The following SORBS2 variants were observed in gnomAD, a reference collection of about 807,000 sequenced individuals.
SORBS2 encodes the protein sorbin and SH3 domain containing 2, also known as sorbin and SH3 domain-containing protein 2.
SORBS2 carries 46 observed loss-of-function variants against 97.7 expected under a neutral mutation model. The observed-to-expected ratio is 0.47, with a 90% confidence interval of 0.37 to 0.60. The LOEUF (loss-of-function observed/expected upper bound fraction) is 0.60. Ranked by LOEUF, SORBS2 falls within the 20% of genes least tolerant of loss-of-function variation. The probability of loss-of-function intolerance (pLI) is 0.00; values close to 1 mark genes in which losing one functional copy is unlikely to be tolerated. For missense variants in SORBS2, 1,316 were observed against 1,282.3 expected, an observed-to-expected ratio of 1.03 and a Z score of -0.40; for synonymous variants, 476 against 473.4, an observed-to-expected ratio of 1.01 and a Z score of -0.07.
At chr4:185,766,855 G>A (rs1484422444) in intron 2 of SORBS2, among the ~76,000 whole-genome samples, 1 of 152,186 alleles carries the variant, frequency 6.6e-6, no homozygotes, top group East Asian at 1.9e-4. Flanking sequence ...TGCTGTACGT[G>A]TGTTTTTCTA....
intron 1 of SORBS2, among the ~76,000 whole-genome samples, chr4:185,880,452 A>G (rs2099236275): frequency 6.6e-6 from 1 of 152,238 alleles, no homozygotes; most frequent in African/African-American, 2.4e-5. Flanking sequence ...AAGCTGACCT[A>G]TCAAAATGTA....
rs574778177 is a variant in SORBS2, at chr4:185,684,748, T to A, written c.-197-5926A>T. The A allele has an allele frequency of 6.4e-5, 99 of 1,544,486 alleles. No individual in the cohort carries two copies. In the African/African-American group the frequency reaches 1.2e-3, roughly 19 times the overall value. ...TGCGACATTGTGTGAGTTAGTGATATTATACCTGCAGCCAATAGGTTTGGA... is the reference window on the plus strand; with the variant it reads ...TGCGACATTGTGTGAGTTAGTGATAATATACCTGCAGCCAATAGGTTTGGA... On this transcript the variant is annotated intron_variant, in intron 2 of 20. Transcript: ENST00000284776. This position sits in a 1 kb window ranked among gnomAD's most constrained non-coding sequence, Gnocchi z 4.2.
chr4:185,676,980 T>G, intron 4 of SORBS2: 1 of 1,547,586 alleles, frequency 6.5e-7, no homozygotes, highest in Non-Finnish European at 8.7e-7. Flanking sequence ...ACGAAGAGAC[T>G]GAGAAGCTTA....
intron 1 of SORBS2, among the ~76,000 whole-genome samples, chr4:185,824,933 G>T (rs1282428097): frequency 3.9e-5 from 6 of 152,136 alleles, no homozygotes; most frequent in Admixed American, 3.9e-4. Context: ...CCCTACACAT[G>T]GTTTCTGAGA....
chr4:185,603,194 A>T (rs2096308518), intron 12 of SORBS2, among the ~76,000 whole-genome samples: 1 of 152,168 alleles, frequency 6.6e-6, no homozygotes, highest in South Asian at 2.1e-4. Flanking sequence ...GAGAACTCAG[A>T]TTCTAAGGCT....
At chr4:185,908,681 T>G (rs1305291826) in intron 1 of SORBS2, among the ~76,000 whole-genome samples, 1 of 151,844 alleles carries the variant, frequency 6.6e-6, no homozygotes, top group Non-Finnish European at 1.5e-5. Flanking sequence ...ACCAAATGAA[T>G]TTTTGTAAAT....
At chr4:185,749,159 G>A (rs774855393) in intron 2 of SORBS2, among the ~76,000 whole-genome samples, 2 of 152,206 alleles carry the variant, frequency 1.3e-5, no homozygotes, top group Non-Finnish European at 2.9e-5. Flanking sequence ...TGTTCAGGGA[G>A]GGTTTGGGAT....
At chr4:185,917,019 G>A (rs2099258527) in intron 1 of SORBS2, among the ~76,000 whole-genome samples, 1 of 152,190 alleles carries the variant, frequency 6.6e-6, no homozygotes, top group South Asian at 2.1e-4. Flanking sequence ...GGGGCTGAAG[G>A]TTAAGTGGAT....
chr4:185,855,693 G>A (rs1269156038), intron 1 of SORBS2, among the ~76,000 whole-genome samples: 1 of 152,162 alleles, frequency 6.6e-6, no homozygotes, highest in Non-Finnish European at 1.5e-5. Flanking sequence ...TAGAAACCAT[G>A]TGTCTGTACC....
chr4:185,758,845 C>G (rs2098846665), intron 2 of SORBS2, among the ~76,000 whole-genome samples: 1 of 152,210 alleles, frequency 6.6e-6, no homozygotes, highest in African/African-American at 2.4e-5. Context: ...TATGGGCAAC[C>G]CCCTTCAACT....
At chr4:185,842,243 A>G (rs1579152468) in intron 1 of SORBS2, among the ~76,000 whole-genome samples, 1 of 152,250 alleles carries the variant, frequency 6.6e-6, no homozygotes, top group African/African-American at 2.4e-5. Context: ...TGTGAGCCTA[A>G]ATGACCTAAG....
At chr4:185,695,158 C>T (rs1272792557) in intron 2 of SORBS2, among the ~76,000 whole-genome samples, 1 of 152,100 alleles carries the variant, frequency 6.6e-6, no homozygotes, top group African/African-American at 2.4e-5. Context: ...CATGAACATG[C>T]CTTTGTGCCT....
At chr4:185,922,603 T>A (rs1186313844) in intron 1 of SORBS2, among the ~76,000 whole-genome samples, 1 of 152,232 alleles carries the variant, frequency 6.6e-6, no homozygotes, top group Non-Finnish European at 1.5e-5. Context: ...CCTTCTTGTT[T>A]TATCATTTGT....
At chr4:185,872,833 C>T (rs973718518) in intron 1 of SORBS2, among the ~76,000 whole-genome samples, 1 of 152,184 alleles carries the variant, frequency 6.6e-6, no homozygotes, top group African/African-American at 2.4e-5. Context: ...AAGGGAGGAA[C>T]CCTCTACACC....
intron 1 of SORBS2, among the ~76,000 whole-genome samples, chr4:185,953,041 G>A (rs1212418931): frequency 1.3e-5 from 2 of 152,190 alleles, no homozygotes; most frequent in Non-Finnish European, 2.9e-5. Context: ...CAGGCCGGGC[G>A]CGGTGGCTCA....
chr4:185,715,621 T>C (rs1236723935), intron 2 of SORBS2, among the ~76,000 whole-genome samples: 2 of 152,254 alleles, frequency 1.3e-5, no homozygotes, highest in African/African-American at 2.4e-5. Context: ...TTGTTTTTGA[T>C]AGAAATAGAT....
intron 1 of SORBS2, among the ~76,000 whole-genome samples, chr4:185,924,141 T>C (rs1402592088): frequency 6.6e-6 from 1 of 152,010 alleles, no homozygotes; most frequent in Non-Finnish European, 1.5e-5. Flanking sequence ...GGTCTGTGAG[T>C]GTGAGGATAG....
intron 2 of SORBS2, among the ~76,000 whole-genome samples, chr4:185,696,828 T>A (rs1225745764): frequency 6.6e-6 from 1 of 152,188 alleles, no homozygotes; most frequent in Admixed American, 6.5e-5. Context: ...AAGTGCATCT[T>A]TTTTCTAAGA....
intron 1 of SORBS2, among the ~76,000 whole-genome samples, chr4:185,841,159 A>C (rs1310872003): frequency 6.6e-6 from 1 of 152,078 alleles, no homozygotes; most frequent in Admixed American, 6.6e-5. Flanking sequence ...TGGAACCTGA[A>C]CTCCCCTTGT....
Sources: gnomAD v4.1 joint callset for allele counts (sites outside exome capture counted in the v4.1 genomes callset) on GRCh38, gnomAD v4.1.1 for gene constraint, Gnocchi (gnomAD v3.1) non-coding constraint, MANE v1.5 for transcripts, NCBI Gene and HGNC (gene_info 2026-07-23, HGNC 2026-07-21) for gene names.